OLFM1: variants seen among roughly 807,000 people sequenced by gnomAD.
The protein encoded by OLFM1 is noelin.
Under a neutral mutation model 49.7 loss-of-function variants are expected in OLFM1, and 9 were observed. The ratio of observed to expected loss-of-function variants is 0.18; its 90% CI spans 0.11 to 0.32. The LOEUF (loss-of-function observed/expected upper bound fraction) is 0.32, where lower values mean the gene tolerates loss of function less well. Among genes scored for constraint, OLFM1 ranks in the 10% least tolerant of loss-of-function variants. The pLI is 1.00. For missense variants in OLFM1, 369 were observed against 661.8 expected (o/e 0.56, Z 4.85); for synonymous variants, 240 against 271.8 (o/e 0.88, Z 1.15).
intron 1 of OLFM1, among the ~76,000 whole-genome samples, chr9:135,089,522 A>T (rs914585265): frequency 4.6e-5 from 7 of 152,154 alleles, no homozygotes; most frequent in African/African-American, 1.7e-4. Flanking sequence ...CCTGCACAGC[A>T]TGTCACCAGC....
At chr9:135,090,407 T>TACATGCCTGTGTGC in intron 2 of OLFM1, 63 bp downstream of exon 2, 2 of 1,510,988 alleles carry the variant, frequency 1.3e-6, no homozygotes, top group Non-Finnish European at 1.8e-6. Flanking sequence ...TGTGTGTGTG[T>TACATGCCTGTGTGC]ACATGCCTGT....
Position 135,088,325 on chromosome 9 carries a change from C to T in OLFM1, c.150+186C>T, listed in dbSNP as rs1003776365. Among the ~76,000 whole-genome samples, 2 of 151,868 alleles carry T rather than the reference C, an allele frequency of 1.3e-5. No individual in the cohort carries two copies. The highest frequency in any genetic ancestry group is 2.9e-5 in the Non-Finnish European group (2 of 67,926). Reference sequence around the variant, plus strand: ...GCAGCGGTGGCGACCCTGCTCCCCGCTCCCCCAGCCTGGGCCACTCCATCT... The same window carrying T: ...GCAGCGGTGGCGACCCTGCTCCCCGTTCCCCCAGCCTGGGCCACTCCATCT... On this transcript the variant is annotated intron_variant, in intron 1 of 5. Coordinates refer to ENST00000371793, the MANE Select transcript of OLFM1 (RefSeq NM_001282611.2). The surrounding 1 kb of genome is among the most constrained non-coding windows in gnomAD (Gnocchi z 4.8).
At chr9:135,091,807 ACT>A (rs1434402521) in intron 2 of OLFM1, among the ~76,000 whole-genome samples, 21 of 146,692 alleles carry the variant, frequency 1.4e-4, no homozygotes, top group Non-Finnish European at 2.5e-4. Flanking sequence ...AGTCACACAC[ACT>A]CACATAGTCA....
In OLFM1 at chr9:135,120,032, A is replaced by G. The variant is rs1564283418; in HGVS notation, c.1312A>G (p.Ile438Val). The G allele has an allele frequency of 6.2e-7, 1 of 1,613,986 alleles. No homozygotes were observed. The highest frequency in any genetic ancestry group is 2.2e-5 in the East Asian group (1 of 44,870). The change falls in exon 6 of 6, where the codon ATC becomes GTC. Residue 438 changes from isoleucine (I) to valine (V), a missense_variant. Ile to Val is a conservative substitution (Grantham distance 29). Transcript: ENST00000371793. ...GACCAATGCCTCCACCTATGAATAC[A>G]TCGACATCCCATTCCAGAACAAATA... ...YQTNASTYEY[I>V]DIPFQNKYSH...
At chr9:135,075,946 G>C in intron 1 of OLFM1, 1 of 1,416,784 alleles carries the variant, frequency 7.1e-7, no homozygotes, top group Non-Finnish European at 9.2e-7. Flanking sequence ...TTGGGGAGGG[G>C]GCCAGGGCGC....
In OLFM1 at chr9:135,087,714, C is replaced by A; in HGVS notation, c.-276C>A. On this transcript the variant is annotated 5_prime_UTR_variant, in exon 1 of 6. Coordinates refer to ENST00000371793, the MANE Select transcript of OLFM1 (RefSeq NM_001282611.2). ...GTGGCGGCGGAGGAGCCCGGAGGGA[C>A]GCAGCCGGGCAAGGCAGGGCGCAGG... is the stretch of plus-strand genomic sequence containing the variant. 1 of 388,718 alleles carries A rather than the reference C, an allele frequency of 2.6e-6. No individual in the cohort carries two copies. The highest frequency in any genetic ancestry group is 3.6e-6 in the Non-Finnish European group (1 of 280,384). The allele number at this position is 388,718 out of a possible 1,614,324, so 24.1% of individuals were successfully genotyped here.
rs1026073587 is a variant in OLFM1 at position 135,088,383 on chromosome 9, C to A, written c.150+244C>A. On this transcript the variant is annotated intron_variant, in intron 1 of 5. Coordinates refer to ENST00000371793, the MANE Select transcript of OLFM1 (RefSeq NM_001282611.2). The surrounding 1 kb of genome is among the most constrained non-coding windows in gnomAD (Gnocchi z 4.8). ...CGCGCCCCTGGGGCGGCGTTTCCTT[C>A]GTCTGGGCCCCTCGCCGCGGGGCCG... 1.2e-4 allele frequency among the ~76,000 whole-genome samples: 18 copies of A among 151,694 alleles called. No homozygotes were observed. The highest frequency in any genetic ancestry group is 3.1e-4 in the African/African-American group (13 of 41,322).
At chr9:135,082,502 T>C (rs1051872197) in intron 1 of OLFM1, among the ~76,000 whole-genome samples, 1 of 152,208 alleles carries the variant, frequency 6.6e-6, no homozygotes, top group Non-Finnish European at 1.5e-5. Context: ...ATAACTTTAC[T>C]CCATGCACTG....
At chr9:135,091,447 TCACA>T (rs1304227634) in intron 2 of OLFM1, among the ~76,000 whole-genome samples, 8 of 150,966 alleles carry the variant, frequency 5.3e-5, no homozygotes, top group Non-Finnish European at 7.4e-5. Context: ...TCACACATAG[TCACA>T]CACACACTCA....
intron 2 of OLFM1, among the ~76,000 whole-genome samples, chr9:135,093,181 G>C (rs1830738786): frequency 6.6e-6 from 1 of 152,220 alleles, no homozygotes; most frequent in African/African-American, 2.4e-5. Context: ...TCCCTGTGGG[G>C]AACCCAGGTA....
Position 135,076,629 on chromosome 9 carries a change from G to A in OLFM1, c.96+827G>A, listed in dbSNP as rs561396843. ...GAAGAGCCTGCCAGCCGAGGGAGCC[G>A]GGCTGCTTGGGAGTGACATTAAAAT... On this transcript the variant is annotated intron_variant, in intron 1 of 5. Transcript: ENST00000252854. The A allele has an allele frequency of 1.3e-4, 143 of 1,108,418 alleles. 1 individual carries two copies. In the South Asian group the frequency reaches 1.8e-3, roughly 14 times the overall value. 68.7% of individuals were successfully genotyped at this position (1,108,418 alleles called of 1,614,324 possible).
chr9:135,115,881 G>T (rs556987215), intron 5 of OLFM1, among the ~76,000 whole-genome samples: 3 of 152,246 alleles, frequency 2.0e-5, no homozygotes, highest in Admixed American at 6.5e-5. Flanking sequence ...GCCAGCGTCC[G>T]GCACAGTGAA....
chr9:135,100,197 A>C (rs1289838828), intron 4 of OLFM1, among the ~76,000 whole-genome samples: 1 of 152,218 alleles, frequency 6.6e-6, no homozygotes, highest in African/African-American at 2.4e-5. Flanking sequence ...TTTTCCAATC[A>C]AGGAATCAAG....
upstream of OLFM1, chr9:135,086,830 G>A (rs1258740580): frequency 9.5e-6 from 4 of 419,596 alleles, no homozygotes; most frequent in Non-Finnish European, 1.9e-5. Context: ...CCCTGAGTCA[G>A]TAAGGACACC....
intron 4 of OLFM1, among the ~76,000 whole-genome samples, chr9:135,103,088 T>C (rs1447139718): frequency 6.6e-6 from 1 of 152,204 alleles, no homozygotes; most frequent in Non-Finnish European, 1.5e-5. Flanking sequence ...CCCCTCCAGC[T>C]GAGCATGCTG....
intron 5 of OLFM1, among the ~76,000 whole-genome samples, chr9:135,116,906 A>G (rs528785879): frequency 1.3e-5 from 2 of 152,130 alleles, no homozygotes; most frequent in African/African-American, 4.8e-5. Context: ...CATTAAAAAC[A>G]AAAAGCACAT....
upstream of OLFM1, among the ~76,000 whole-genome samples, chr9:135,083,082 G>A (rs894926374): frequency 1.3e-5 from 2 of 152,178 alleles, no homozygotes; most frequent in Non-Finnish European, 1.5e-5. Flanking sequence ...CAGGATCAAT[G>A]ACTGATTCCA....
At chr9:135,091,799 T>TCA (rs201384716) in intron 2 of OLFM1, among the ~76,000 whole-genome samples, 26 of 73,990 alleles carry the variant, frequency 3.5e-4, no homozygotes, top group Middle Eastern at 0.02. Flanking sequence ...AGTCACACAG[T>TCA]CACACACACT....
At chr9:135,102,745 A>C (rs1830887842) in intron 4 of OLFM1, among the ~76,000 whole-genome samples, 1 of 152,098 alleles carries the variant, frequency 6.6e-6, no homozygotes, top group Non-Finnish European at 1.5e-5. Context: ...GTCTTCCCGG[A>C]TTGCAGGAGG....
Sources: gnomAD v4.1 joint callset for allele counts (sites outside exome capture counted in the v4.1 genomes callset) on GRCh38, gnomAD v4.1.1 for gene constraint, Gnocchi (gnomAD v3.1) non-coding constraint, MANE v1.5 for transcripts, NCBI Gene and HGNC (gene_info 2026-07-23, HGNC 2026-07-21) for gene names.